Variants in FBXL4 observed in about 807,000 individuals in gnomAD.
FBXL4 encodes F-box/LRR-repeat protein 4.
A neutral mutation model predicts 58.9 loss-of-function variants in FBXL4; 40 were observed. That is an observed-to-expected ratio of 0.68 (90% CI 0.53 to 0.88). The LOEUF (loss-of-function observed/expected upper bound fraction) is 0.88, where lower values mean the gene tolerates loss of function less well. Ranked by LOEUF, FBXL4 falls within the 40% of genes least tolerant of loss-of-function variation. FBXL4 has a pLI of 0.00. For missense variants in FBXL4, 676 were observed against 734.4 expected (o/e 0.92, Z 0.92); for synonymous variants, 263 against 265.5 (o/e 0.99, Z 0.09).
Position 98,917,648 on chromosome 6 carries a change from A to T in FBXL4, c.584T>A (p.Ile195Asn), listed in dbSNP as rs1422832084. 1 of 1,613,958 alleles carries T rather than the reference A, an allele frequency of 6.2e-7. No individual in the cohort carries two copies. Among genetic ancestry groups the T allele is most frequent in the Admixed American group, 1.7e-5 (1 of 60,010 alleles). The change falls in exon 5 of 10, where the codon ATT becomes AAT. Residue 195 changes from isoleucine to asparagine, a missense_variant. Coordinates refer to ENST00000369244, the MANE Select transcript of FBXL4 (RefSeq NM_001278716.2). The part of the protein sequence containing the change: ...ASQARQFKPC[I>N]KQINFPTNLI... ...ATTTGTGGGGAAATTTATCTGCTTAATACAAGGTTTAAACTGGCGAGCTTG... is the reference window on the plus strand; with the variant it reads ...ATTTGTGGGGAAATTTATCTGCTTATTACAAGGTTTAAACTGGCGAGCTTG...
rs893825312 is a variant in FBXL4 at position 98,868,725 on chromosome 6, T to C, written c.*5553A>G. 5.9e-5 allele frequency: 9 copies of C among 152,304 alleles called. No individual in the cohort carries two copies. The highest frequency in any genetic ancestry group is 2.1e-4 in the South Asian group (1 of 4,828). 9.4% of individuals were successfully genotyped at this position (152,304 alleles called of 1,614,324 possible). A position where few individuals can be genotyped will look rare whatever the true frequency, so the allele number is the denominator to read the frequency against. On this transcript the variant is annotated 3_prime_UTR_variant, in exon 10 of 10. Transcript: ENST00000369244. ...CTACTCTATTTATCTGATACGACTA[T>C]TTTGCTTTTAAATGTTTTCCTTAAA...
intron 5 of FBXL4, among the ~76,000 whole-genome samples, chr6:98,916,926 G>GA (rs1328192277): frequency 1.3e-5 from 2 of 149,630 alleles, no homozygotes; most frequent in African/African-American, 2.5e-5. Flanking sequence ...AGTTAGTATA[G>GA]AAAAAAAATG....
At chr6:98,890,778 G>A (rs1451016217) in intron 7 of FBXL4, among the ~76,000 whole-genome samples, 1 of 152,084 alleles carries the variant, frequency 6.6e-6, no homozygotes, top group African/African-American at 2.4e-5. Context: ...AATCAGCCGG[G>A]CATGGTGGCA....
At chr6:98,914,586 G>C (rs1772255376) in intron 5 of FBXL4, among the ~76,000 whole-genome samples, 1 of 152,156 alleles carries the variant, frequency 6.6e-6, no homozygotes, top group East Asian at 1.9e-4. Context: ...TATCTCAATA[G>C]ATGCAGAAAA....
intron 5 of FBXL4, among the ~76,000 whole-genome samples, chr6:98,915,853 C>G (rs928950993): frequency 6.6e-6 from 1 of 150,436 alleles, no homozygotes; most frequent in African/African-American, 2.4e-5. Context: ...TTCTGCACAG[C>G]AAAAGAAACT....
At chr6:98,921,490 G>C (rs1167543395) in intron 4 of FBXL4, among the ~76,000 whole-genome samples, 1 of 151,798 alleles carries the variant, frequency 6.6e-6, no homozygotes, top group East Asian at 1.9e-4. Flanking sequence ...TAGGAAAACA[G>C]AAATAAAAGT....
chr6:98,917,351 GCTGCTAAATATTTTTGGCTTAC>G lies in FBXL4; in HGVS notation c.858+1_858+22del. The G allele has an allele frequency of 6.6e-7, 1 of 1,504,888 alleles. No individual in the cohort carries two copies. The allele number at this position is 1,504,888 out of a possible 1,614,324, so 93.2% of individuals were successfully genotyped here. On this transcript the variant is annotated splice_donor_variant and splice_donor_5th_base_variant and intron_variant, in intron 5 of 9. Coordinates refer to ENST00000369244, the MANE Select transcript of FBXL4 (RefSeq NM_001278716.2). LOFTEE classifies it high-confidence loss of function. ...AATCTATAGTGTTATATCCAATACT[GCTGCTAAATATTTTTGGCTTAC>G]CTCATAAGGTAGTTTATCAAAATAC...
At chr6:98,899,016 T>C in intron 7 of FBXL4, 1 of 985,416 alleles carries the variant, frequency 1.0e-6, no homozygotes, top group Non-Finnish European at 1.2e-6. Flanking sequence ...CTTATTTTTT[T>C]TCCTGGGGAC....
chr6:98,930,649 G>C (rs994997113), intron 2 of FBXL4, among the ~76,000 whole-genome samples: 1 of 152,132 alleles, frequency 6.6e-6, no homozygotes, highest in Admixed American at 6.5e-5. Context: ...TTAAGGCTGA[G>C]GCTGGAGGAT....
At chr6:98,914,856 T>C (rs1368598899) in intron 5 of FBXL4, among the ~76,000 whole-genome samples, 3 of 152,238 alleles carry the variant, frequency 2.0e-5, no homozygotes, top group Admixed American at 6.5e-5. Flanking sequence ...GGGTATTCAA[T>C]TAGGAAAAGA....
chr6:98,919,843 T>C (rs1420270505), intron 4 of FBXL4, among the ~76,000 whole-genome samples: 3 of 152,130 alleles, frequency 2.0e-5, no homozygotes, highest in African/African-American at 7.2e-5. Flanking sequence ...ATTTTAGTCT[T>C]ACTTTTTTGT....
At chr6:98,899,876 T>C (rs1771542579) in intron 6 of FBXL4, among the ~76,000 whole-genome samples, 1 of 151,992 alleles carries the variant, frequency 6.6e-6, no homozygotes, top group Admixed American at 6.6e-5. Flanking sequence ...ACAGTACCCA[T>C]CAAGTACTGG....
chr6:98,909,735 C>G (rs1055396962), intron 5 of FBXL4, among the ~76,000 whole-genome samples: 9 of 152,156 alleles, frequency 5.9e-5, no homozygotes, highest in Non-Finnish European at 2.9e-5. Flanking sequence ...ATGCTCCTCT[C>G]TCTCCCCAAA....
intron 7 of FBXL4, 105 bp downstream of exon 7, chr6:98,899,163 A>T: frequency 1.3e-6 from 2 of 1,506,560 alleles, no homozygotes; most frequent in Non-Finnish European, 1.8e-6. Context: ...GGCATCATAA[A>T]CTTGATTTAA....
chr6:98,907,003 C>G (rs370835756), intron 5 of FBXL4, among the ~76,000 whole-genome samples: 11 of 152,282 alleles, frequency 7.2e-5, no homozygotes, highest in East Asian at 3.9e-4. Context: ...TCTTTGCCCA[C>G]TTTTTGATGG....
chr6:98,944,204 C>T (rs559256479), intron 1 of FBXL4, among the ~76,000 whole-genome samples: 96 of 152,046 alleles, frequency 6.3e-4, no homozygotes, highest in African/African-American at 2.2e-3. Context: ...ACCCAGAGGC[C>T]GTAAAGGAAA....
chr6:98,931,462 T>C (rs1679780154), intron 2 of FBXL4, among the ~76,000 whole-genome samples: 2 of 152,196 alleles, frequency 1.3e-5, no homozygotes, highest in Non-Finnish European at 2.9e-5. Flanking sequence ...CTTTAGTTTT[T>C]TTCAACTATG....
At chr6:98,914,676 A>G (rs901778258) in intron 5 of FBXL4, among the ~76,000 whole-genome samples, 2 of 152,224 alleles carry the variant, frequency 1.3e-5, no homozygotes, top group African/African-American at 4.8e-5. Context: ...TCTCAAAATC[A>G]TAAGAGCTAT....
At chr6:98,930,146 C>T (rs1329529067) in intron 2 of FBXL4, among the ~76,000 whole-genome samples, 1 of 152,148 alleles carries the variant, frequency 6.6e-6, no homozygotes, top group Non-Finnish European at 1.5e-5. Context: ...GAAAATGAAC[C>T]ATGATGAGAG....
Sources: allele counts gnomAD v4.1 joint callset (sites outside exome capture counted in the v4.1 genomes callset), GRCh38; gene constraint gnomAD v4.1.1; transcripts MANE v1.5; gene names NCBI Gene and HGNC (gene_info 2026-07-23, HGNC 2026-07-21).